TIAM2: variants seen among roughly 807,000 people sequenced by gnomAD.
TIAM2 encodes the protein rho guanine nucleotide exchange factor TIAM2.
Under a neutral mutation model 152.9 loss-of-function variants are expected in TIAM2, and 80 were observed. That is an observed-to-expected ratio of 0.52 (90% CI 0.44 to 0.63). The LOEUF (loss-of-function observed/expected upper bound fraction) is 0.63, where lower values mean the gene tolerates loss of function less well. Ranked by LOEUF, TIAM2 falls within the 30% of genes least tolerant of loss-of-function variation. The probability of loss-of-function intolerance (pLI) is 0.00; values close to 1 mark genes in which losing one functional copy is unlikely to be tolerated. For synonymous variants in TIAM2, 804 were observed against 838.0 expected, an observed-to-expected ratio of 0.96 and a Z score of 0.70; for missense variants, 1,965 against 2,120.1, an observed-to-expected ratio of 0.93 and a Z score of 1.44.
intron 1 of TIAM2, among the ~76,000 whole-genome samples, chr6:155,065,244 A>G (rs35361916): frequency 0.4 from 61,315 of 151,724 alleles, 12,605 homozygotes; most frequent in Middle Eastern, 0.49. Context: ...GTGAGCCACC[A>G]TACCCGGCCA....
Position 155,257,114 on chromosome 6 carries a change from A to T in TIAM2, c.5099A>T (p.Lys1700Ile). Residue 1700 changes from lysine (K) to isoleucine (I), a missense_variant, in exon 27 of 27, where the codon AAA becomes ATA. This residue lies in a region of TIAM2 where 935 missense variants were observed against 980.0 expected (regional missense o/e 0.95). Transcript: ENST00000682666. ...TTTTATGAAACAGAGAGCCACGGAAAATCATAGTATGATTCAATCCAGATA... is the reference window on the plus strand; with the variant it reads ...TTTTATGAAACAGAGAGCCACGGAATATCATAGTATGATTCAATCCAGATA... Reference protein sequence around the residue: ...ECFYETESHGKS With the variant: ...ECFYETESHGIS 1 of 1,614,010 alleles carries T rather than the reference A, an allele frequency of 6.2e-7. No individual in the cohort carries two copies. Among genetic ancestry groups the T allele is most frequent in the Non-Finnish European group, 8.5e-7 (1 of 1,180,018 alleles).
chr6:155,151,483 A>G (rs147848465), intron 7 of TIAM2, among the ~76,000 whole-genome samples: 9 of 152,324 alleles, frequency 5.9e-5, no homozygotes, highest in African/African-American at 2.2e-4. Context: ...TCCTAATACC[A>G]TCACCTAAAG....
chr6:155,154,291 T>C (rs1301381004), intron 7 of TIAM2, among the ~76,000 whole-genome samples: 1 of 152,212 alleles, frequency 6.6e-6, no homozygotes, highest in African/African-American at 2.4e-5. Context: ...GGTGACATCA[T>C]GCAACAGAAA....
At chr6:155,206,355 C>T (rs1381831280) in intron 14 of TIAM2, among the ~76,000 whole-genome samples, 1 of 152,202 alleles carries the variant, frequency 6.6e-6, no homozygotes, top group African/African-American at 2.4e-5. Flanking sequence ...TCAAGTGATT[C>T]TCCTGCCTCA....
In TIAM2 at chr6:155,214,524, C is replaced by A. The variant is rs1302042443; in HGVS notation, c.3168+3217C>A. Among the ~76,000 whole-genome samples, 1 of 152,190 alleles carries A rather than the reference C, an allele frequency of 6.6e-6. No individual in the cohort carries two copies. On this transcript the variant is annotated intron_variant, in intron 15 of 26. Transcript: ENST00000682666. The surrounding 1 kb of genome is among the most constrained non-coding windows in gnomAD (Gnocchi z 5.4). ...GCTCTCTTCTCCCGTTTTCCATGCACCTTCTTCCAAATTTCTCCTCCCTCT... is the reference window on the plus strand; with the variant it reads ...GCTCTCTTCTCCCGTTTTCCATGCAACTTCTTCCAAATTTCTCCTCCCTCT...
chr6:155,137,145 C>T, intron 4 of TIAM2, 32 bp from the exon 5 acceptor site: 1 of 1,599,790 alleles, frequency 6.3e-7, no homozygotes, highest in South Asian at 1.1e-5. Context: ...TAGCCGTAAG[C>T]TCTGATGGGT....
chr6:155,073,368 G>T (rs1777884837), intron 1 of TIAM2, among the ~76,000 whole-genome samples: 1 of 151,876 alleles, frequency 6.6e-6, no homozygotes, highest in African/African-American at 2.4e-5. Context: ...TCACCATGTT[G>T]GCCAGGCTGG....
At chr6:155,075,043 C>G (rs1334407307) in intron 1 of TIAM2, among the ~76,000 whole-genome samples, 1 of 151,770 alleles carries the variant, frequency 6.6e-6, no homozygotes, top group Non-Finnish European at 1.5e-5. Flanking sequence ...GGCTCTGGAC[C>G]AGGGTGGCAG....
At chr6:155,085,563 TA>T (rs879432345) in intron 1 of TIAM2, among the ~76,000 whole-genome samples, 89 of 146,502 alleles carry the variant, frequency 6.1e-4, no homozygotes, top group African/African-American at 2.0e-3. Flanking sequence ...ATGTGGCCAT[TA>T]AAAAAAAAAA....
rs1348176009 is a variant in TIAM2 at position 155,156,037 on chromosome 6, G to C, written c.2028+7703G>C. Among the ~76,000 whole-genome samples, 4 of 152,208 alleles carry C rather than the reference G, an allele frequency of 2.6e-5. No homozygotes were observed. Among genetic ancestry groups the C allele is most frequent in the African/African-American group, 9.6e-5 (4 of 41,464 alleles). On this transcript the variant is annotated intron_variant, in intron 7 of 26. Coordinates refer to ENST00000682666, the MANE Select transcript of TIAM2 (RefSeq NM_012454.4). This position sits in a 1 kb window ranked among gnomAD's most constrained non-coding sequence, Gnocchi z 4.4. ...GAGCATACAATTTCAACATAACACAGTGATTCAGTGCACGTGGCATTCCAG... is the reference window on the plus strand; with the variant it reads ...GAGCATACAATTTCAACATAACACACTGATTCAGTGCACGTGGCATTCCAG...
intron 2 of TIAM2, among the ~76,000 whole-genome samples, chr6:155,114,058 T>A (rs1277829528): frequency 4.8e-5 from 5 of 103,282 alleles, no homozygotes; most frequent in East Asian, 2.6e-4. Flanking sequence ...TTCTTTTTTT[T>A]TTTTTTTTTT....
intron 1 of TIAM2, among the ~76,000 whole-genome samples, chr6:155,042,116 G>A (rs1018682987): frequency 9.9e-5 from 15 of 151,828 alleles, no homozygotes; most frequent in African/African-American, 3.4e-4. Context: ...TGGTCCTGTT[G>A]TAGGGGTTGT....
intron 15 of TIAM2, among the ~76,000 whole-genome samples, chr6:155,227,170 A>G (rs1428170466): frequency 6.6e-6 from 1 of 152,214 alleles, no homozygotes; most frequent in East Asian, 1.9e-4. Flanking sequence ...TGGGCTTTGG[A>G]AAAATCATTC....
intron 15 of TIAM2, among the ~76,000 whole-genome samples, chr6:155,232,079 TCAAAAACAAAAA>T: frequency 7.1e-6 from 1 of 141,014 alleles, no homozygotes; most frequent in African/African-American, 2.7e-5. Context: ...AGACTCTGTC[TCAAAAACAAAAA>T]CAAAAACAAA....
chr6:155,197,515 C>T (rs1172727965), intron 14 of TIAM2, among the ~76,000 whole-genome samples: 1 of 152,134 alleles, frequency 6.6e-6, no homozygotes, highest in Non-Finnish European at 1.5e-5. Context: ...AAGACATTAG[C>T]TCCATATGGA....
chr6:155,110,924 A>G (rs1235884698), intron 2 of TIAM2, among the ~76,000 whole-genome samples: 1 of 152,212 alleles, frequency 6.6e-6, no homozygotes, highest in East Asian at 1.9e-4. Context: ...CAAGCACTGG[A>G]AAGTGAGAAT....
At chr6:155,130,554 C>A in intron 4 of TIAM2, 137 bp downstream of exon 4, 1 of 750,670 alleles carries the variant, frequency 1.3e-6, no homozygotes, top group Non-Finnish European at 2.1e-6. Flanking sequence ...CAGTGGAAAG[C>A]CTGGCTCATC....
intron 2 of TIAM2, among the ~76,000 whole-genome samples, chr6:155,104,785 C>T (rs1778644731): frequency 6.6e-6 from 1 of 151,426 alleles, no homozygotes; most frequent in Admixed American, 6.6e-5. Context: ...TAAAGCATAC[C>T]TTCAAGTGTA....
Position 155,079,515 on chromosome 6 carries a change from AG to A in TIAM2, c.-208-10773del, listed in dbSNP as rs1291868749. On this transcript the variant is annotated intron_variant, in intron 1 of 26. Transcript: ENST00000682666. ...TAGTGCCTAGCACACCAACCTTGCT[AG>A]AAATTGGGACAAATGTTACTGTATG... Among the ~76,000 whole-genome samples, 4 of 152,342 alleles carry A rather than the reference AG, an allele frequency of 2.6e-5. No individual in the cohort carries two copies. The East Asian group carries it at 7.7e-4, about 29-fold the overall frequency.
Sources: allele counts gnomAD v4.1 joint callset (sites outside exome capture counted in the v4.1 genomes callset), GRCh38; gene constraint gnomAD v4.1.1; regional missense constraint gnomAD v4.1.1; non-coding constraint Gnocchi (gnomAD v3.1); transcripts MANE v1.5; gene names NCBI Gene and HGNC (gene_info 2026-07-23, HGNC 2026-07-21).